The following PAN3 variants were observed in gnomAD, a reference collection of about 807,000 sequenced individuals.
The protein encoded by PAN3 is poly(A) specific ribonuclease subunit PAN3.
PAN3 carries 19 observed loss-of-function variants against 96.2 expected under a neutral mutation model. That is an observed-to-expected ratio of 0.20 (90% CI 0.14 to 0.29). The LOEUF (loss-of-function observed/expected upper bound fraction) is 0.29. Among genes scored for constraint, PAN3 ranks in the 10% least tolerant of loss-of-function variants. PAN3 has a pLI of 1.00. For missense variants in PAN3, 882 were observed against 1,108.1 expected, an observed-to-expected ratio of 0.80 and a Z score of 2.90; for synonymous variants, 433 against 406.6, an observed-to-expected ratio of 1.06 and a Z score of -0.78.
chr13:28,200,598 A>G (rs1878578148), intron 5 of PAN3, among the ~76,000 whole-genome samples: 1 of 152,226 alleles, frequency 6.6e-6, no homozygotes, highest in South Asian at 2.1e-4. Context: ...TTTTTTAACC[A>G]AATACTTTAT....
intron 6 of PAN3, among the ~76,000 whole-genome samples, chr13:28,239,393 A>G (rs1465179113): frequency 2.6e-5 from 4 of 152,132 alleles, no homozygotes; most frequent in Non-Finnish European, 5.9e-5. Context: ...TCTCACTGTA[A>G]CTGAGTGAAA....
intron 1 of PAN3, among the ~76,000 whole-genome samples, chr13:28,150,892 A>G (rs1274658634): frequency 6.6e-6 from 1 of 152,204 alleles, no homozygotes; most frequent in Non-Finnish European, 1.5e-5. Context: ...GGTAAAGCAG[A>G]CAGTATTTAT....
At chr13:28,227,386 A>AG (rs1882112339) in intron 6 of PAN3, among the ~76,000 whole-genome samples, 2 of 152,090 alleles carry the variant, frequency 1.3e-5, no homozygotes, top group South Asian at 4.1e-4. Context: ...TCCCATAATT[A>AG]GGGGGTAGGG....
At chr13:28,289,298 G>T (rs945502340) in intron 18 of PAN3, among the ~76,000 whole-genome samples, 1 of 151,764 alleles carries the variant, frequency 6.6e-6, no homozygotes, top group South Asian at 2.1e-4. Flanking sequence ...TTTTTGGAAC[G>T]GGGTTTTGAT....
At chr13:28,216,754 T>C (rs1880817688) in intron 5 of PAN3, among the ~76,000 whole-genome samples, 1 of 152,030 alleles carries the variant, frequency 6.6e-6, no homozygotes, top group Non-Finnish European at 1.5e-5. Flanking sequence ...ATATATGCAA[T>C]GAAATGTTAC....
intron 6 of PAN3, among the ~76,000 whole-genome samples, chr13:28,229,342 A>G (rs763837955): frequency 3.3e-5 from 5 of 152,192 alleles, no homozygotes; most frequent in African/African-American, 1.2e-4. Context: ...TTTTTTGGGT[A>G]TCAGAAGCTT....
chr13:28,266,742 A>G lies in PAN3; in HGVS notation c.1439A>G (p.His480Arg). Residue 480 changes from histidine to arginine, a missense_variant, in exon 10 of 19, where the codon CAT becomes CGT. By Grantham distance (29) the His-to-Arg change is conservative. Transcript: ENST00000380958. The part of the protein sequence containing the change: ...PAVPTEVDSY[H>R]SLFPLEPLPP... ...GTTCCTACAGAGGTTGACAGCTACC[A>G]TAGCCTATTCCCTCTAGAACCACTG... 1 of 1,603,592 alleles carries G rather than the reference A, an allele frequency of 6.2e-7. No homozygotes were observed. Among genetic ancestry groups the G allele is most frequent in the Non-Finnish European group, 8.5e-7 (1 of 1,175,448 alleles).
intron 12 of PAN3, among the ~76,000 whole-genome samples, chr13:28,270,372 C>G (rs1220127082): frequency 2.0e-5 from 3 of 152,168 alleles, no homozygotes; most frequent in Non-Finnish European, 4.4e-5. Flanking sequence ...AGAAAAACCT[C>G]TACGGTTTCT....
intron 6 of PAN3, among the ~76,000 whole-genome samples, chr13:28,234,946 C>G (rs1005242557): frequency 2.0e-5 from 3 of 152,138 alleles, no homozygotes; most frequent in East Asian, 1.9e-4. Context: ...TCTACCCTTG[C>G]ATTTCTTTTT....
chr13:28,143,050 C>T (rs1870072848), intron 1 of PAN3, among the ~76,000 whole-genome samples: 1 of 152,164 alleles, frequency 6.6e-6, no homozygotes, highest in East Asian at 1.9e-4. Flanking sequence ...TCTTAATACA[C>T]TTAGTTGCAA....
At chr13:28,250,187 T>C (rs1268093273) in intron 6 of PAN3, among the ~76,000 whole-genome samples, 2 of 151,734 alleles carry the variant, frequency 1.3e-5, no homozygotes, top group East Asian at 3.9e-4. Context: ...AAAGGACTTA[T>C]TTTGCTCAGA....
chr13:28,196,795 T>A (rs1242174766), intron 4 of PAN3, among the ~76,000 whole-genome samples: 2 of 152,210 alleles, frequency 1.3e-5, no homozygotes, highest in Non-Finnish European at 2.9e-5. Context: ...AAATCTGTAT[T>A]CTGTGTCCTT....
At chr13:28,171,685 A>C (rs1370836978) in intron 1 of PAN3, among the ~76,000 whole-genome samples, 1 of 152,078 alleles carries the variant, frequency 6.6e-6, no homozygotes, top group Non-Finnish European at 1.5e-5. Flanking sequence ...GGGGTGTGCC[A>C]CCCTCCTGGC....
rs1172922462 is a variant in PAN3 at position 28,154,382 on chromosome 13, T to A, written c.430+15295T>A. On this transcript the variant is annotated intron_variant, in intron 1 of 18. Coordinates refer to ENST00000380958, the MANE Select transcript of PAN3 (RefSeq NM_175854.8). ...TCATCTAAAATTTCTGTTTCGGGAT[T>A]TTTTGGTTTTTTTTTTCTTACTATA... is the stretch of plus-strand genomic sequence containing the variant. Among the ~76,000 whole-genome samples the A allele has an allele frequency of 3.3e-5, 5 of 152,230 alleles. No individual in the cohort carries two copies. In the East Asian group the frequency reaches 9.6e-4, roughly 29 times the overall value.
chr13:28,141,379 CTT>C (rs373956885), intron 1 of PAN3, among the ~76,000 whole-genome samples: 3,686 of 150,456 alleles, frequency 0.024, 63 homozygotes, highest in Non-Finnish European at 0.036. Context: ...TTAAAAAAAA[CTT>C]TTAAAGTTTT....
intron 17 of PAN3, among the ~76,000 whole-genome samples, chr13:28,285,306 G>A (rs1868842961): frequency 6.6e-6 from 1 of 152,084 alleles, no homozygotes; most frequent in South Asian, 2.1e-4. Context: ...TGTGTTAGCG[G>A]GTACTTTCAG....
At chr13:28,184,881 C>T (rs1236689369) in intron 4 of PAN3, among the ~76,000 whole-genome samples, 1 of 152,078 alleles carries the variant, frequency 6.6e-6, no homozygotes, top group African/African-American at 2.4e-5. Flanking sequence ...TAAATCTCTT[C>T]TGTCACATGT....
intron 4 of PAN3, among the ~76,000 whole-genome samples, chr13:28,193,770 A>G (rs527364473): frequency 6.6e-6 from 1 of 151,616 alleles, no homozygotes; most frequent in African/African-American, 2.4e-5. Context: ...AAGAAACAAA[A>G]ACTAACCAAA....
chr13:28,166,124 A>G (rs1309556804), intron 1 of PAN3, among the ~76,000 whole-genome samples: 1 of 152,218 alleles, frequency 6.6e-6, no homozygotes, highest in African/African-American at 2.4e-5. Context: ...TCCAAAGTCC[A>G]GAGTCTCATC....
Sources: allele counts gnomAD v4.1 joint callset (sites outside exome capture counted in the v4.1 genomes callset), GRCh38; gene constraint gnomAD v4.1.1; transcripts MANE v1.5; gene names NCBI Gene and HGNC (gene_info 2026-07-23, HGNC 2026-07-21).